Variants in RABGAP1L observed in about 807,000 individuals in gnomAD.
RABGAP1L encodes the protein rab GTPase-activating protein 1-like.
RABGAP1L carries 63 observed loss-of-function variants against 137.7 expected under a neutral mutation model. The ratio of observed to expected loss-of-function variants is 0.46; its 90% CI spans 0.37 to 0.56. RABGAP1L has a LOEUF of 0.56. Ranked by LOEUF, RABGAP1L falls within the 20% of genes least tolerant of loss-of-function variation. The pLI is 0.00. For missense variants in RABGAP1L, 1,095 were observed against 1,244.0 expected (o/e 0.88, Z 1.80); for synonymous variants, 431 against 433.7 (o/e 0.99, Z 0.08).
chr1:174,492,837 T>G (rs955563393), intron 13 of RABGAP1L, among the ~76,000 whole-genome samples: 1 of 151,906 alleles, frequency 6.6e-6, no homozygotes, highest in Admixed American at 6.6e-5. Context: ...TTGTGAAGGG[T>G]TTCTTCCTTC....
intron 12 of RABGAP1L, among the ~76,000 whole-genome samples, chr1:174,387,353 G>A (rs895057610): frequency 6.6e-6 from 1 of 152,134 alleles, no homozygotes; most frequent in African/African-American, 2.4e-5. Context: ...ATGTTATAGA[G>A]GCATGCAGAC....
intron 10 of RABGAP1L, among the ~76,000 whole-genome samples, chr1:174,298,301 C>T (rs2148744584): frequency 6.6e-6 from 1 of 152,280 alleles, no homozygotes; most frequent in Non-Finnish European, 1.5e-5. Flanking sequence ...AAGCTGCTTG[C>T]ACTCATGAAG....
intron 11 of RABGAP1L, among the ~76,000 whole-genome samples, chr1:174,336,893 G>T (rs1558143568): frequency 1.4e-5 from 2 of 141,372 alleles, no homozygotes; most frequent in African/African-American, 5.6e-5. Flanking sequence ...GTGAGAGAGA[G>T]AGAGAAAGAG....
intron 3 of RABGAP1L, among the ~76,000 whole-genome samples, chr1:174,222,839 G>C (rs897006127): frequency 2.0e-5 from 3 of 152,090 alleles, no homozygotes; most frequent in East Asian, 3.9e-4. Context: ...TAAGCTATTA[G>C]ATTTAAAGAC....
At chr1:174,980,004 T>C (rs1311256554) in intron 23 of RABGAP1L, among the ~76,000 whole-genome samples, 1 of 152,236 alleles carries the variant, frequency 6.6e-6, no homozygotes, top group Non-Finnish European at 1.5e-5. Flanking sequence ...TGCTTATAAA[T>C]TAAATTTGTG....
intron 19 of RABGAP1L, among the ~76,000 whole-genome samples, chr1:174,876,876 TACTC>T (rs1653197887): frequency 6.6e-6 from 1 of 152,168 alleles, no homozygotes; most frequent in Non-Finnish European, 1.5e-5. Context: ...TTAACAGAAA[TACTC>T]AGAGGGGAAA....
intron 19 of RABGAP1L, among the ~76,000 whole-genome samples, chr1:174,863,233 C>CAAA (rs71117585): frequency 2.4e-5 from 2 of 82,648 alleles, no homozygotes; most frequent in Non-Finnish European, 4.4e-5. Context: ...TTGTTTGTAG[C>CAAA]AAAAAAAAAA....
chr1:174,497,177 A>C (rs1434443891), intron 13 of RABGAP1L, among the ~76,000 whole-genome samples: 2 of 152,168 alleles, frequency 1.3e-5, no homozygotes, highest in Non-Finnish European at 2.9e-5. Context: ...AGTATATAGC[A>C]ACTTCTGGTT....
intron 18 of RABGAP1L, among the ~76,000 whole-genome samples, chr1:174,790,604 A>G (rs1687776911): frequency 6.7e-6 from 1 of 148,302 alleles, no homozygotes; most frequent in African/African-American, 2.4e-5. Context: ...ATTGCACTCT[A>G]GCCTGGGCGA....
At chr1:174,290,713 T>C (rs1010210558) in intron 10 of RABGAP1L, among the ~76,000 whole-genome samples, 2 of 152,094 alleles carry the variant, frequency 1.3e-5, no homozygotes, top group Non-Finnish European at 2.9e-5. Flanking sequence ...TTTTTGTATA[T>C]TAGCCATATT....
chr1:174,964,225 C>A (rs1292484343), intron 20 of RABGAP1L, among the ~76,000 whole-genome samples: 2 of 152,158 alleles, frequency 1.3e-5, no homozygotes, highest in Admixed American at 1.3e-4. Flanking sequence ...TAAATTTGCA[C>A]TGAGTCTTTT....
At chr1:174,912,816 A>T (rs1477452277) in intron 19 of RABGAP1L, among the ~76,000 whole-genome samples, 1 of 152,110 alleles carries the variant, frequency 6.6e-6, no homozygotes, top group Non-Finnish European at 1.5e-5. Context: ...TTCCATCATC[A>T]TGTGATATAC....
In RABGAP1L at chr1:174,768,274, C is replaced by T. The variant is rs192265351; in HGVS notation, c.2211+15920C>T. ...CCTCCTCCCCAGGAATGTCAGGTGA[C>T]CATCAGGTAATGGTCATGCAGTTGT... On this transcript the variant is annotated intron_variant, in intron 18 of 25. Coordinates refer to ENST00000681986, the MANE Select transcript of RABGAP1L (RefSeq NM_001366446.1). Among the ~76,000 whole-genome samples the T allele has an allele frequency of 6.6e-5, 10 of 152,304 alleles. No homozygotes were observed. In the East Asian group the frequency reaches 1.7e-3, roughly 26 times the overall value.
At chr1:174,690,346 T>C (rs1483280671) in intron 15 of RABGAP1L, among the ~76,000 whole-genome samples, 1 of 152,190 alleles carries the variant, frequency 6.6e-6, no homozygotes, top group Non-Finnish European at 1.5e-5. Context: ...ACAAAAATAA[T>C]GCAGTTATGA....
At chr1:174,547,564 C>T (rs1293555195) in intron 13 of RABGAP1L, among the ~76,000 whole-genome samples, 1 of 152,144 alleles carries the variant, frequency 6.6e-6, no homozygotes, top group African/African-American at 2.4e-5. Context: ...AAGCAGTGAG[C>T]TGTGATTGTG....
chr1:174,662,121 T>G (rs75290209), intron 14 of RABGAP1L, among the ~76,000 whole-genome samples: 268 of 135,096 alleles, frequency 2.0e-3, no homozygotes, highest in Admixed American at 2.2e-3. Context: ...TTTTTTTTTT[T>G]GAGTTGGAGT....
intron 12 of RABGAP1L, among the ~76,000 whole-genome samples, chr1:174,393,227 A>G (rs933079325): frequency 1.3e-5 from 2 of 152,158 alleles, no homozygotes; most frequent in African/African-American, 2.4e-5. Flanking sequence ...GGAAAGGGTT[A>G]GGTCCTTCCT....
chr1:174,297,273 G>A (rs1677210845), intron 10 of RABGAP1L, among the ~76,000 whole-genome samples: 1 of 152,186 alleles, frequency 6.6e-6, no homozygotes, highest in Non-Finnish European at 1.5e-5. Flanking sequence ...GTCCTTGTCT[G>A]TCCCACGCCA....
chr1:174,383,419 C>G (rs1442569775), intron 12 of RABGAP1L, among the ~76,000 whole-genome samples: 2 of 152,084 alleles, frequency 1.3e-5, no homozygotes, highest in East Asian at 1.9e-4. Flanking sequence ...TGATCTCAGA[C>G]TGCTGTGCTA....
Sources: gnomAD v4.1 joint callset for allele counts (sites outside exome capture counted in the v4.1 genomes callset) on GRCh38, gnomAD v4.1.1 for gene constraint, MANE v1.5 for transcripts, NCBI Gene and HGNC (gene_info 2026-07-23, HGNC 2026-07-21) for gene names.